Variants in GOLM2 observed in about 807,000 individuals in gnomAD.
GOLM2 encodes golgi membrane protein 2.
Under a neutral mutation model 55.9 loss-of-function variants are expected in GOLM2, and 26 were observed. That is an observed-to-expected ratio of 0.47 (90% CI 0.34 to 0.65). The LOEUF (loss-of-function observed/expected upper bound fraction) is 0.65, where lower values mean the gene tolerates loss of function less well. Among genes scored for constraint, GOLM2 ranks in the 30% least tolerant of loss-of-function variants. The pLI is 0.01. For missense variants in GOLM2, 486 were observed against 531.8 expected, an observed-to-expected ratio of 0.91 and a Z score of 0.85; for synonymous variants, 165 against 194.6, an observed-to-expected ratio of 0.85 and a Z score of 1.27.
intron 1 of GOLM2, among the ~76,000 whole-genome samples, chr15:44,322,510 C>G (rs2078957861): frequency 6.6e-6 from 1 of 152,132 alleles, no homozygotes; most frequent in Admixed American, 6.5e-5. Flanking sequence ...ACAAACTTGT[C>G]TAAAGCAATA....
chr15:44,384,260 C>T (rs2079425794), intron 8 of GOLM2, among the ~76,000 whole-genome samples: 1 of 152,032 alleles, frequency 6.6e-6, no homozygotes, highest in Admixed American at 6.6e-5. Context: ...ACCTGGCAAC[C>T]GCTAATTTGC....
chr15:44,393,397 G>T (rs908536998), intron 8 of GOLM2, among the ~76,000 whole-genome samples: 1 of 152,072 alleles, frequency 6.6e-6, no homozygotes, highest in African/African-American at 2.4e-5. Flanking sequence ...GCTCAATGTT[G>T]TAATTATGTC....
At chr15:44,382,784 A>G (rs1326325090) in intron 8 of GOLM2, among the ~76,000 whole-genome samples, 13 of 151,966 alleles carry the variant, frequency 8.6e-5, no homozygotes, top group Admixed American at 8.5e-4. Flanking sequence ...GAGCCTAGGC[A>G]TGGTGGTACA....
chr15:44,366,620 C>T (rs564758985), intron 6 of GOLM2, among the ~76,000 whole-genome samples: 15 of 152,150 alleles, frequency 9.9e-5, no homozygotes, highest in African/African-American at 2.9e-4. Flanking sequence ...GTCAACAGAA[C>T]GCGACCCTGT....
At chr15:44,375,676 G>A (rs2079359961) in intron 6 of GOLM2, among the ~76,000 whole-genome samples, 1 of 152,176 alleles carries the variant, frequency 6.6e-6, no homozygotes, top group South Asian at 2.1e-4. Flanking sequence ...AGCTAGTCAG[G>A]AGGTTGAGGT....
chr15:44,313,577 A>G (rs1264949794), intron 1 of GOLM2, among the ~76,000 whole-genome samples: 1 of 152,186 alleles, frequency 6.6e-6, no homozygotes, highest in African/African-American at 2.4e-5. Context: ...CCAAATCTGT[A>G]TCCTTTATCC....
At chr15:44,354,519 TATA>T (rs151332072) in intron 6 of GOLM2, among the ~76,000 whole-genome samples, 7,514 of 151,730 alleles carry the variant, frequency 0.05, 297 homozygotes, top group East Asian at 0.19. Context: ...AAAAAATACT[TATA>T]AAACAGATTT....
intron 6 of GOLM2, chr15:44,345,832 G>A (rs1050505955): frequency 1.3e-5 from 2 of 151,586 alleles, no homozygotes; most frequent in African/African-American, 4.9e-5. Flanking sequence ...TACTCCCTTG[G>A]TTCTTATTTT....
intron 1 of GOLM2, among the ~76,000 whole-genome samples, chr15:44,314,004 G>C (rs182371400): frequency 2.0e-5 from 3 of 152,190 alleles, no homozygotes; most frequent in African/African-American, 7.2e-5. Flanking sequence ...TTGGGAGGTC[G>C]AGGTGGGCAG....
At chr15:44,366,064 G>T (rs928930023) in intron 6 of GOLM2, among the ~76,000 whole-genome samples, 1 of 151,974 alleles carries the variant, frequency 6.6e-6, no homozygotes, top group African/African-American at 2.4e-5. Flanking sequence ...TTGGGAGGCC[G>T]AGGTGGGTGG....
At chr15:44,386,929 C>T (rs1466201095) in intron 8 of GOLM2, among the ~76,000 whole-genome samples, 3 of 150,874 alleles carry the variant, frequency 2.0e-5, no homozygotes. Flanking sequence ...AATCCCAGCA[C>T]TTTGGGAGGC....
At chr15:44,409,592 CAAAAAAAAAAAAAAAAAAAAAAA>C (rs60091801) in intron 9 of GOLM2, 2 of 16,992 alleles carry the variant, frequency 1.2e-4, no homozygotes, top group East Asian at 1.3e-3. Flanking sequence ...CCCTCTCTCT[CAAAAAAAAAAAAAAAAAAAAAAA>C]AAAAAAAAAA....
chr15:44,373,485 G>C (rs2079343580), intron 6 of GOLM2, among the ~76,000 whole-genome samples: 1 of 150,066 alleles, frequency 6.7e-6, no homozygotes, highest in South Asian at 2.1e-4. Context: ...GCAGGGCACA[G>C]TGGCTCGCAC....
chr15:44,405,178 A>T (rs2079589714), intron 9 of GOLM2: 1 of 152,002 alleles, frequency 6.6e-6, no homozygotes, highest in Non-Finnish European at 1.5e-5. Context: ...AGTCCCCAAG[A>T]CCCTCATGTT....
intron 6 of GOLM2, among the ~76,000 whole-genome samples, chr15:44,351,603 GACAA>G (rs1207623773): frequency 1.1e-4 from 13 of 119,238 alleles, no homozygotes; most frequent in African/African-American, 3.0e-4. Context: ...AAAAAACACA[GACAA>G]ACAAAGAACA....
At chr15:44,378,354 C>CT (rs372043503) in intron 6 of GOLM2, among the ~76,000 whole-genome samples, 2,219 of 125,474 alleles carry the variant, frequency 0.018, 65 homozygotes, top group East Asian at 0.084. Flanking sequence ...CGCGCCAGGA[C>CT]TTTTTTTTTT....
intron 6 of GOLM2, among the ~76,000 whole-genome samples, chr15:44,339,634 G>A (rs1182747199): frequency 2.0e-5 from 3 of 150,682 alleles, no homozygotes; most frequent in African/African-American, 4.9e-5. Context: ...CACCAAGCCC[G>A]GCCTCTTTTT....
intron 6 of GOLM2, among the ~76,000 whole-genome samples, chr15:44,342,617 C>A (rs180996076): frequency 1.2e-4 from 18 of 152,318 alleles, no homozygotes; most frequent in African/African-American, 4.1e-4. Flanking sequence ...CTTTGATAAT[C>A]ATTTTTCATA....
intron 8 of GOLM2, among the ~76,000 whole-genome samples, chr15:44,392,408 A>G (rs2079496756): frequency 6.6e-6 from 1 of 152,028 alleles, no homozygotes; most frequent in South Asian, 2.1e-4. Context: ...GGATCACCTG[A>G]GGTCAGGAGT....
Sources: allele counts gnomAD v4.1 joint callset (sites outside exome capture counted in the v4.1 genomes callset), GRCh38; gene constraint gnomAD v4.1.1; transcripts MANE v1.5; gene names NCBI Gene and HGNC (gene_info 2026-07-23, HGNC 2026-07-21).